The following PTPRU variants were observed in gnomAD, a reference collection of about 807,000 sequenced individuals.
PTPRU encodes the protein receptor-type tyrosine-protein phosphatase U.
PTPRU carries 69 observed loss-of-function variants against 166.3 expected under a neutral mutation model. That is an observed-to-expected ratio of 0.41 (90% CI 0.34 to 0.51). The LOEUF (loss-of-function observed/expected upper bound fraction) is 0.51, where lower values mean the gene tolerates loss of function less well. Among genes scored for constraint, PTPRU ranks in the 20% least tolerant of loss-of-function variants. PTPRU has a pLI of 0.09. For synonymous variants in PTPRU, 793 were observed against 814.0 expected (o/e 0.97, Z 0.44); for missense variants, 1,657 against 2,013.7 (o/e 0.82, Z 3.39).
At chr1:29,269,238 ATATATATATTTTTTTTTTTTTTT>A (rs1475374648) in intron 7 of PTPRU, among the ~76,000 whole-genome samples, 40 of 33,472 alleles carry the variant, frequency 1.2e-3, no homozygotes, top group South Asian at 8.4e-3. Context: ...ATATATATAT[ATATATATATTTTTTTTTTTTTTT>A]TTTTTTTTTT....
intron 7 of PTPRU, among the ~76,000 whole-genome samples, chr1:29,267,607 A>G (rs867359639): frequency 3.3e-5 from 5 of 152,178 alleles, no homozygotes; most frequent in Middle Eastern, 3.2e-3. Context: ...GGCACGTGCA[A>G]GGGGCATCCA....
chr1:29,284,881 C>G lies in PTPRU; in HGVS notation c.2318+12C>G. 1 of 1,600,268 alleles carries G rather than the reference C, an allele frequency of 6.2e-7. No homozygotes were observed. Among genetic ancestry groups the G allele is most frequent in the Non-Finnish European group, 8.5e-7 (1 of 1,171,760 alleles). On this transcript the variant is annotated intron_variant, in intron 14 of 29. Transcript: ENST00000373779. ...ATCATCCGCAAAGGGTGAGTGAGGC[C>G]GGTGCCCTGTCCCACCAGTGGCTTC...
At chr1:29,273,422 C>G (rs1000732465) in intron 7 of PTPRU, among the ~76,000 whole-genome samples, 3 of 152,168 alleles carry the variant, frequency 2.0e-5, no homozygotes, top group Non-Finnish European at 2.9e-5. Context: ...GCATGTGCCA[C>G]CATGCCCGGC....
At position 29,260,600 on chromosome 1, in the gene PTPRU, C is replaced by G. The variant is rs773242569; in HGVS notation, c.851-10C>G. Reference sequence around the variant, plus strand: ...TCGGTCCGCCTCGCCTCTCCCCCATCTCCTCGCAGAGCCCCCAACTCCCAT... The same window carrying G: ...TCGGTCCGCCTCGCCTCTCCCCCATGTCCTCGCAGAGCCCCCAACTCCCAT... On this transcript the variant is annotated splice_polypyrimidine_tract_variant and intron_variant, in intron 6 of 29. Coordinates refer to ENST00000373779, the MANE Select transcript of PTPRU (RefSeq NM_133178.4). This position sits in a 1 kb window ranked among gnomAD's most constrained non-coding sequence, Gnocchi z 8.3. 6.7e-7 allele frequency: 1 copy of G among 1,489,328 alleles called. No individual in the cohort carries two copies. Among genetic ancestry groups the G allele is most frequent in the South Asian group, 1.4e-5 (1 of 72,948 alleles). 92.3% of individuals were successfully genotyped at this position (1,489,328 alleles called of 1,614,324 possible).
chr1:29,303,618 C>G (rs537062247), intron 15 of PTPRU, among the ~76,000 whole-genome samples: 2 of 152,300 alleles, frequency 1.3e-5, no homozygotes, highest in South Asian at 4.1e-4. Flanking sequence ...CCGCAAGGGC[C>G]CTCGGAGGCC....
chr1:29,294,923 A>G (rs1686811239), intron 15 of PTPRU, among the ~76,000 whole-genome samples: 1 of 152,144 alleles, frequency 6.6e-6, no homozygotes, highest in Non-Finnish European at 1.5e-5. Context: ...GGTTTGGTTG[A>G]TTCCTAACCA....
At position 29,291,718 on chromosome 1, in the gene PTPRU, G is replaced by T; in HGVS notation, c.2319-151G>T. 1.2e-6 allele frequency: 1 copy of T among 814,216 alleles called. No homozygotes were observed. The highest frequency in any genetic ancestry group is 2.7e-5 in the East Asian group (1 of 37,206). The allele number at this position is 814,216 out of a possible 1,614,324, so 50.4% of individuals were successfully genotyped here. A position where few individuals can be genotyped will look rare whatever the true frequency, so the allele number is the denominator to read the frequency against. On this transcript the variant is annotated intron_variant, in intron 14 of 29. Transcript: ENST00000373779. This position sits in a 1 kb window ranked among gnomAD's most constrained non-coding sequence, Gnocchi z 4.1. ...GCTCTGGGTCTAATGAGTGAAGGAT[G>T]GGGGCAGAGCCCTCAGCATCCAGAG...
At chr1:29,295,907 T>C (rs1308412395) in intron 15 of PTPRU, among the ~76,000 whole-genome samples, 1 of 152,112 alleles carries the variant, frequency 6.6e-6, no homozygotes, top group East Asian at 1.9e-4. Flanking sequence ...ACCAGGCCAG[T>C]CTCGCACTCC....
intron 8 of PTPRU, 78 bp from the exon 9 acceptor site, chr1:29,278,934 G>A (rs1685934784): frequency 2.6e-6 from 3 of 1,155,570 alleles, no homozygotes; most frequent in South Asian, 1.4e-5. Context: ...GGTAGGAAGC[G>A]GCAAGGCTGG....
rs969459610 is a variant in PTPRU at position 29,280,452 on chromosome 1, G to A, written c.1868+311G>A. The stretch of plus-strand genomic sequence containing the variant: ...GACACCTTGGAGAAGTGAAACTCTG[G>A]GGGCCTTATATCATCCCAGCCTTTT... On this transcript the variant is annotated intron_variant, in intron 11 of 29. Coordinates refer to ENST00000373779, the MANE Select transcript of PTPRU (RefSeq NM_133178.4). The surrounding 1 kb of genome is among the most constrained non-coding windows in gnomAD (Gnocchi z 4.2). 4.6e-5 allele frequency among the ~76,000 whole-genome samples: 7 copies of A among 152,170 alleles called. No individual in the cohort carries two copies. The highest frequency in any genetic ancestry group is 1.0e-4 in the Non-Finnish European group (7 of 68,030).
At chr1:29,310,084 C>G (rs143597047) in intron 18 of PTPRU, among the ~76,000 whole-genome samples, 1 of 152,234 alleles carries the variant, frequency 6.6e-6, no homozygotes, top group East Asian at 1.9e-4. Context: ...AGCTCTTGGC[C>G]TCTCTCTCGT....
intron 7 of PTPRU, among the ~76,000 whole-genome samples, chr1:29,263,496 T>C (rs1432724406): frequency 6.6e-6 from 1 of 152,266 alleles, no homozygotes; most frequent in East Asian, 1.9e-4. Flanking sequence ...TATATTGATA[T>C]ATGTTTTCAT....
rs1234392495 is a variant in PTPRU, at chr1:29,255,348, C to A, written c.147C>A (p.Phe49Leu). 1 of 1,614,192 alleles carries A rather than the reference C, an allele frequency of 6.2e-7. No individual in the cohort carries two copies. Among genetic ancestry groups the A allele is most frequent in the Admixed American group, 1.7e-5 (1 of 60,030 alleles). ...ACAGCCAGGCCCAGTACGATGACTT[C>A]CAGTGGGAGCAAGTGCGAATCCACC... ...CEYSQAQYDD[F>L]QWEQVRIHPG... The change falls in exon 2 of 30, where the codon TTC becomes TTA. Residue 49 changes from phenylalanine to leucine, a missense_variant. Around this residue, in one of 3 missense-constraint regions of PTPRU, gnomAD observed 453 missense variants for 496.9 expected, o/e 0.91. Transcript: ENST00000373779.
intron 25 of PTPRU, among the ~76,000 whole-genome samples, chr1:29,319,122 G>C (rs1688033390): frequency 6.6e-6 from 1 of 152,212 alleles, no homozygotes; most frequent in African/African-American, 2.4e-5. Flanking sequence ...CTGTCACTCA[G>C]CTTGGTGGAT....
At chr1:29,241,619 G>A (rs979636520) in intron 1 of PTPRU, among the ~76,000 whole-genome samples, 1 of 150,228 alleles carries the variant, frequency 6.7e-6, no homozygotes, top group African/African-American at 2.5e-5. Context: ...TTTTGAGATG[G>A]AGTCTCACTC....
chr1:29,262,948 T>G (rs1055719306), intron 7 of PTPRU, among the ~76,000 whole-genome samples: 6 of 152,152 alleles, frequency 3.9e-5, no homozygotes, highest in African/African-American at 1.4e-4. Context: ...TAATATATAA[T>G]CTTTTGTGAC....
chr1:29,305,436 C>T lies in PTPRU; in HGVS notation c.2820+8C>T, dbSNP rs1301222065. On this transcript the variant is annotated splice_region_variant and intron_variant, in intron 18 of 29. Coordinates refer to ENST00000373779, the MANE Select transcript of PTPRU (RefSeq NM_133178.4). Reference sequence around the variant, plus strand: ...AATGCCAACTACATAGATGTGAGTGCCTTGCCCTGTCATTTCTGCAGACCT... The same window carrying T: ...AATGCCAACTACATAGATGTGAGTGTCTTGCCCTGTCATTTCTGCAGACCT... The T allele has an allele frequency of 6.2e-7, 1 of 1,612,724 alleles. No homozygotes were observed. The highest frequency in any genetic ancestry group is 8.5e-7 in the Non-Finnish European group (1 of 1,179,108).
intron 11 of PTPRU, among the ~76,000 whole-genome samples, chr1:29,281,617 C>T (rs1300060492): frequency 6.6e-6 from 1 of 152,150 alleles, no homozygotes; most frequent in Non-Finnish European, 1.5e-5. Context: ...TAATGATTAC[C>T]TCCTGGTGGG....
chr1:29,285,207 C>G (rs1686284584), intron 14 of PTPRU, among the ~76,000 whole-genome samples: 1 of 152,120 alleles, frequency 6.6e-6, no homozygotes, highest in Non-Finnish European at 1.5e-5. Context: ...TGGCTTTGAA[C>G]CCCTACCCTC....
Sources: allele counts gnomAD v4.1 joint callset (sites outside exome capture counted in the v4.1 genomes callset), GRCh38; gene constraint gnomAD v4.1.1; regional missense constraint gnomAD v4.1.1; non-coding constraint Gnocchi (gnomAD v3.1); transcripts MANE v1.5; gene names NCBI Gene and HGNC (gene_info 2026-07-23, HGNC 2026-07-21).